Variants in SPICE1 observed in about 807,000 individuals in gnomAD.
The protein encoded by SPICE1 is spindle and centriole-associated protein 1.
SPICE1 carries 75 observed loss-of-function variants against 102.7 expected under a neutral mutation model. That is an observed-to-expected ratio of 0.73 (90% CI 0.61 to 0.88). The LOEUF (loss-of-function observed/expected upper bound fraction) is 0.88, where lower values mean the gene tolerates loss of function less well. SPICE1 is among the 40% of genes least tolerant of loss of function. The pLI is 0.00. For synonymous variants in SPICE1, 308 were observed against 350.3 expected, an observed-to-expected ratio of 0.88 and a Z score of 1.35; for missense variants, 979 against 1,020.1, an observed-to-expected ratio of 0.96 and a Z score of 0.55.
chr3:113,512,073 A>C (rs968948425), intron 1 of SPICE1, among the ~76,000 whole-genome samples: 1 of 152,244 alleles, frequency 6.6e-6, no homozygotes, highest in African/African-American at 2.4e-5. Flanking sequence ...AAAACTCCAG[A>C]TGAGAATGCA....
chr3:113,485,075 G>C (rs1936611943), intron 7 of SPICE1, among the ~76,000 whole-genome samples: 3 of 152,046 alleles, frequency 2.0e-5, no homozygotes, highest in African/African-American at 7.3e-5. Context: ...CGCAGGCCAA[G>C]AGACTCCCTC....
At chr3:113,458,373 T>C (rs984429748) in intron 12 of SPICE1, among the ~76,000 whole-genome samples, 2 of 152,178 alleles carry the variant, frequency 1.3e-5, no homozygotes, top group African/African-American at 4.8e-5. Context: ...CCACCACACC[T>C]GACTGGTTTT....
chr3:113,460,788 A>C, intron 11 of SPICE1, 24 bp from the exon 12 acceptor site: 1 of 1,565,686 alleles, frequency 6.4e-7, no homozygotes, highest in Non-Finnish European at 8.6e-7. Context: ...CATATGAAAT[A>C]ATATTATTAG....
chr3:113,495,036 G>C (rs1380664258), intron 4 of SPICE1, among the ~76,000 whole-genome samples: 2 of 152,180 alleles, frequency 1.3e-5, no homozygotes, highest in Non-Finnish European at 2.9e-5. Context: ...AACAAAAAAT[G>C]TGAGGCCTCT....
At position 113,453,649 on chromosome 3, in the gene SPICE1, C is replaced by G. The variant is rs776703524; in HGVS notation, c.1959G>C (p.Gly653=). 15 of 1,614,026 alleles carry G rather than the reference C, an allele frequency of 9.3e-6. No homozygotes were observed. The East Asian group carries it at 1.1e-4, about 12-fold the overall frequency. ...FSEELPVLGD[G]QQLRTNESLI... ...ATGACTCATTTGTTCTCAGCTGCTG[C>G]CCATCTCCCAGTACTGGGAGCTCTT... Residue 653 remains glycine (G), a synonymous_variant, in exon 14 of 18, where the codon GGG becomes GGC. Coordinates refer to ENST00000295872, the MANE Select transcript of SPICE1 (RefSeq NM_144718.4).
At chr3:113,485,128 T>A (rs1936613214) in intron 7 of SPICE1, among the ~76,000 whole-genome samples, 1 of 151,232 alleles carries the variant, frequency 6.6e-6, no homozygotes, top group South Asian at 2.1e-4. Flanking sequence ...AGCACAAAAC[T>A]AGGGGGCCGT....
At chr3:113,508,629 G>A (rs574176536) in intron 1 of SPICE1, among the ~76,000 whole-genome samples, 2 of 152,238 alleles carry the variant, frequency 1.3e-5, no homozygotes, top group African/African-American at 4.8e-5. Context: ...CAAAAATATG[G>A]AAAAACTAGA....
chr3:113,459,431 AAAAAC>A lies in SPICE1; in HGVS notation c.1435+1181_1435+1185del, dbSNP rs140423755. ...TGATCAATAAATACTAAAAAAAATT[AAAAAC>A]AAAACAAAACAAAACAAAACAAAAA... On this transcript the variant is annotated intron_variant, in intron 12 of 17. Coordinates refer to ENST00000295872, the MANE Select transcript of SPICE1 (RefSeq NM_144718.4). 7,642 of 956,800 alleles carry A rather than the reference AAAAAC, an allele frequency of 8.0e-3. 80 individuals are homozygous for A. Among genetic ancestry groups the A allele is most frequent in the African/African-American group, 0.049 (2,786 of 56,452 alleles). 59.3% of individuals were successfully genotyped at this position (956,800 alleles called of 1,614,324 possible).
chr3:113,452,161 T>C (rs1935667800), intron 14 of SPICE1, among the ~76,000 whole-genome samples: 2 of 152,148 alleles, frequency 1.3e-5, no homozygotes. Flanking sequence ...AGGTTTAAGT[T>C]ACCAGGTTAG....
At chr3:113,466,506 A>G (rs1000624356) in intron 10 of SPICE1, among the ~76,000 whole-genome samples, 8 of 151,928 alleles carry the variant, frequency 5.3e-5, no homozygotes, top group Non-Finnish European at 1.0e-4. Flanking sequence ...GATACTCAAG[A>G]GGCTGAGGCA....
intron 1 of SPICE1, among the ~76,000 whole-genome samples, chr3:113,509,971 AG>A (rs1255902137): frequency 6.6e-6 from 1 of 152,238 alleles, no homozygotes; most frequent in Non-Finnish European, 1.5e-5. Flanking sequence ...AAGTTTCCTG[AG>A]GCCTGCAAAA....
intron 14 of SPICE1, among the ~76,000 whole-genome samples, chr3:113,451,171 T>C (rs1452952748): frequency 6.6e-6 from 1 of 152,192 alleles, no homozygotes; most frequent in Non-Finnish European, 1.5e-5. Flanking sequence ...TCTGGGAATC[T>C]TGTCACTCCT....
intron 7 of SPICE1, among the ~76,000 whole-genome samples, chr3:113,470,051 G>A (rs1350604136): frequency 6.6e-6 from 1 of 152,182 alleles, no homozygotes; most frequent in Non-Finnish European, 1.5e-5. Context: ...TGGTTACAGA[G>A]CTAAGCGTTA....
intron 7 of SPICE1, among the ~76,000 whole-genome samples, chr3:113,484,884 T>C (rs2107486045): frequency 1.3e-5 from 2 of 152,310 alleles, no homozygotes; most frequent in Admixed American, 1.3e-4. Flanking sequence ...TTAAGTCTGC[T>C]TGGTCCAGAG....
In SPICE1 at chr3:113,457,204, A is replaced by C; in HGVS notation, c.1589T>G (p.Phe530Cys). 1 of 1,614,206 alleles carries C rather than the reference A, an allele frequency of 6.2e-7. No homozygotes were observed. The change falls in exon 13 of 18, where the codon TTT becomes TGT. Residue 530 changes from phenylalanine to cysteine, a missense_variant. Coordinates refer to ENST00000295872, the MANE Select transcript of SPICE1 (RefSeq NM_144718.4). ...NLAKNFPAHIFEPAVLLTPPR... is the reference protein window; with the variant it reads ...NLAKNFPAHICEPAVLLTPPR... ...TGGTGTTAACAACACAGCTGGCTCA[A>C]AAATATGTGCTGGAAAATTCTTGGC...
chr3:113,508,416 C>A (rs1396164006), intron 1 of SPICE1, among the ~76,000 whole-genome samples: 2 of 152,106 alleles, frequency 1.3e-5, no homozygotes, highest in Non-Finnish European at 2.9e-5. Context: ...AGAAATTTTA[C>A]AACTCGACAA....
chr3:113,468,171 A>T lies in SPICE1; in HGVS notation c.1123T>A (p.Ser375Thr). 6.2e-7 allele frequency: 1 copy of T among 1,614,198 alleles called. No individual in the cohort carries two copies. The highest frequency in any genetic ancestry group is 8.5e-7 in the Non-Finnish European group (1 of 1,180,038). ...AGGTACCGAACCAGGCGACAGAGGGAGCTCACCAGCGACAAAGTGAAGCCT... is the reference window on the plus strand; with the variant it reads ...AGGTACCGAACCAGGCGACAGAGGGTGCTCACCAGCGACAAAGTGAAGCCT... Reference protein sequence around the residue: ...LTGFTLSLVSSLCRLVRYLKE... With the variant: ...LTGFTLSLVSTLCRLVRYLKE... The change falls in exon 10 of 18, where the codon TCC becomes ACC. Residue 375 changes from serine (S) to threonine (T), a missense_variant. Ser to Thr is a moderately conservative substitution (Grantham distance 58). Coordinates refer to ENST00000295872, the MANE Select transcript of SPICE1 (RefSeq NM_144718.4).
At chr3:113,475,182 A>G (rs1391265718) in intron 7 of SPICE1, among the ~76,000 whole-genome samples, 1 of 152,190 alleles carries the variant, frequency 6.6e-6, no homozygotes, top group African/African-American at 2.4e-5. Context: ...TAGAAAATCT[A>G]GAAGAAATGG....
chr3:113,473,524 G>A (rs527865973), intron 7 of SPICE1, among the ~76,000 whole-genome samples: 18 of 152,186 alleles, frequency 1.2e-4, no homozygotes, highest in African/African-American at 4.3e-4. Flanking sequence ...AAATGTTAAG[G>A]GCAGCCAGAG....
Sources: gnomAD v4.1 joint callset for allele counts (sites outside exome capture counted in the v4.1 genomes callset) on GRCh38, gnomAD v4.1.1 for gene constraint, MANE v1.5 for transcripts, NCBI Gene and HGNC (gene_info 2026-07-23, HGNC 2026-07-21) for gene names.